Variants in MMP15 observed in about 807,000 individuals in gnomAD.
MMP15 encodes matrix metallopeptidase 15, also known as matrix metalloproteinase-15.
MMP15 carries 36 observed loss-of-function variants against 65.0 expected under a neutral mutation model. That is an observed-to-expected ratio of 0.55 (90% CI 0.42 to 0.73). MMP15 has a LOEUF of 0.73. Ranked by LOEUF, MMP15 falls within the 30% of genes least tolerant of loss-of-function variation. The probability of loss-of-function intolerance (pLI) is 0.00; values close to 1 mark genes in which losing one functional copy is unlikely to be tolerated. For synonymous variants in MMP15, 428 were observed against 410.2 expected, an observed-to-expected ratio of 1.04 and a Z score of -0.52; for missense variants, 870 against 987.8, an observed-to-expected ratio of 0.88 and a Z score of 1.60.
Position 58,046,412 on chromosome 16 carries a change from AC to A in MMP15, c.*967del, listed in dbSNP as rs1455048319. The A allele has an allele frequency of 6.6e-6, 1 of 152,400 alleles. No homozygotes were observed. Among genetic ancestry groups the A allele is most frequent in the Non-Finnish European group, 1.5e-5 (1 of 68,184 alleles). The allele number at this position is 152,400 out of a possible 1,614,324, so 9.4% of individuals were successfully genotyped here. A position where few individuals can be genotyped will look rare whatever the true frequency, so the allele number is the denominator to read the frequency against. The stretch of plus-strand genomic sequence containing the variant: ...TGAATGGGTGCCCACAGTGTCAGGC[AC>A]TGGGCATGAGGGGTTCCTCCCCTCC... On this transcript the variant is annotated 3_prime_UTR_variant, in exon 10 of 10. Transcript: ENST00000219271.
intron 5 of MMP15, 183 bp downstream of exon 5, chr16:58,040,881 G>T (rs1959438359): frequency 1.1e-6 from 1 of 891,586 alleles, no homozygotes; most frequent in Admixed American, 2.1e-5. Context: ...AGGGCAGGCT[G>T]CCTCCAGGGC....
In MMP15 at chr16:58,038,256, C is replaced by T. The variant is rs1452915903; in HGVS notation, c.312-10C>T. ...GGCTCCGTGCTCACCCCTCTGTGTCCATGTCCCAGGTGGATGAAGCGGCCC... is the reference window on the plus strand; with the variant it reads ...GGCTCCGTGCTCACCCCTCTGTGTCTATGTCCCAGGTGGATGAAGCGGCCC... On this transcript the variant is annotated splice_polypyrimidine_tract_variant and intron_variant, in intron 2 of 9. Coordinates refer to ENST00000219271, the MANE Select transcript of MMP15 (RefSeq NM_002428.4). 2.2e-5 allele frequency: 36 copies of T among 1,613,392 alleles called. No individual in the cohort carries two copies. Among genetic ancestry groups the T allele is most frequent in the Non-Finnish European group, 3.0e-5 (35 of 1,179,878 alleles).
chr16:58,026,725 C>T (rs1469306955), intron 1 of MMP15, among the ~76,000 whole-genome samples: 48 of 152,224 alleles, frequency 3.2e-4, no homozygotes, highest in Non-Finnish European at 4.4e-5. Flanking sequence ...CAGGGCCTCG[C>T]TCTCCTCCCC....
intron 1 of MMP15, among the ~76,000 whole-genome samples, chr16:58,029,747 G>C (rs1421609874): frequency 6.6e-6 from 1 of 152,102 alleles, no homozygotes; most frequent in African/African-American, 2.4e-5. Flanking sequence ...CACCCCAAGG[G>C]ATGTTGATAC....
At chr16:58,030,588 A>T (rs932352266) in intron 1 of MMP15, among the ~76,000 whole-genome samples, 2 of 152,132 alleles carry the variant, frequency 1.3e-5, no homozygotes. Context: ...CCATCGGCCG[A>T]TGGTGATGCA....
In MMP15 at chr16:58,040,049, C is replaced by G. The variant is rs558989777; in HGVS notation, c.615C>G (p.Phe205Leu). ...ADIMVLFASG[F>L]HGDSSPFDGT... ...TCATGGTACTCTTTGCCTCTGGCTT[C>G]CACGGCGACAGCTCGCCGTTTGATG... Residue 205 changes from phenylalanine to leucine, a missense_variant, in exon 4 of 10, where the codon TTC becomes TTG. By Grantham distance (22) the Phe-to-Leu change is conservative. Coordinates refer to ENST00000219271, the MANE Select transcript of MMP15 (RefSeq NM_002428.4). 5 of 1,614,182 alleles carry G rather than the reference C, an allele frequency of 3.1e-6. No homozygotes were observed. In the African/African-American group the frequency reaches 6.7e-5, roughly 21 times the overall value.
At chr16:58,035,926 A>G (rs1382746219) in intron 1 of MMP15, among the ~76,000 whole-genome samples, 1 of 152,174 alleles carries the variant, frequency 6.6e-6, no homozygotes, top group African/African-American at 2.4e-5. Flanking sequence ...GCCGGGTGCC[A>G]GGGCTGGGCT....
intron 3 of MMP15, among the ~76,000 whole-genome samples, chr16:58,038,876 CA>C (rs1959389063): frequency 6.6e-6 from 1 of 152,214 alleles, no homozygotes. Flanking sequence ...GTCCTGACTC[CA>C]AGCTCCATCT....
At position 58,025,916 on chromosome 16, in the gene MMP15, G is replaced by A. The variant is rs1360795830; in HGVS notation, c.-435G>A. Reference sequence around the variant, plus strand: ...CCCGGGCCCGGTCGGGCGCGGCGGCGAGCAGAATCCCCGTGCAGGAGGCGC... The same window carrying A: ...CCCGGGCCCGGTCGGGCGCGGCGGCAAGCAGAATCCCCGTGCAGGAGGCGC... On this transcript the variant is annotated 5_prime_UTR_variant, in exon 1 of 10. Coordinates refer to ENST00000219271, the MANE Select transcript of MMP15 (RefSeq NM_002428.4). 6.5e-6 allele frequency: 1 copy of A among 153,038 alleles called. No individual in the cohort carries two copies. Among genetic ancestry groups the A allele is most frequent in the Non-Finnish European group, 1.5e-5 (1 of 68,812 alleles). 9.5% of individuals were successfully genotyped at this position (153,038 alleles called of 1,614,324 possible). A position where few individuals can be genotyped will look rare whatever the true frequency, so the allele number is the denominator to read the frequency against.
At position 58,026,482 on chromosome 16, in the gene MMP15, A is replaced by C; in HGVS notation, c.132A>C (p.Val44=). The change falls in exon 1 of 10, where the codon GTA becomes GTC. Residue 44 remains valine, a synonymous_variant. Coordinates refer to ENST00000219271, the MANE Select transcript of MMP15 (RefSeq NM_002428.4). ...TTCTGGGCTGCCTGGGCCTTGGCGT[A>C]GCGGCCGAAGACGCGGAGGTCCATG... ...LVLLGCLGLG[V]AAEDAEVHAE... The C allele has an allele frequency of 7.2e-7, 1 of 1,391,998 alleles. No homozygotes were observed. Among genetic ancestry groups the C allele is most frequent in the Non-Finnish European group, 9.3e-7 (1 of 1,071,364 alleles). 86.2% of individuals were successfully genotyped at this position (1,391,998 alleles called of 1,614,324 possible). A position where few individuals can be genotyped will look rare whatever the true frequency, so the allele number is the denominator to read the frequency against.
intron 1 of MMP15, among the ~76,000 whole-genome samples, chr16:58,027,413 G>T (rs1597060680): frequency 6.6e-6 from 1 of 152,344 alleles, no homozygotes; most frequent in East Asian, 1.9e-4. Context: ...GCAAGAGCAG[G>T]GTCCACTCTT....
At chr16:58,036,081 C>T (rs2142326747) in intron 1 of MMP15, among the ~76,000 whole-genome samples, 1 of 152,362 alleles carries the variant, frequency 6.6e-6, no homozygotes, top group Non-Finnish European at 1.5e-5. Flanking sequence ...TGCCTGGGCC[C>T]TCGGGGTGCA....
At chr16:58,039,737 T>G (rs1362374201) in intron 3 of MMP15, 138 bp from the exon 4 acceptor site, 14 of 778,902 alleles carry the variant, frequency 1.8e-5, no homozygotes, top group Non-Finnish European at 2.8e-5. Context: ...ATTCAAATTA[T>G]GATTTACATC....
At chr16:58,031,108 C>T (rs1318386046) in intron 1 of MMP15, among the ~76,000 whole-genome samples, 2 of 151,958 alleles carry the variant, frequency 1.3e-5, no homozygotes, top group African/African-American at 4.8e-5. Flanking sequence ...TGTCATTACT[C>T]AATCTACAAA....
At chr16:58,040,314 A>G in intron 4 of MMP15, 132 bp downstream of exon 4, 2 of 1,064,406 alleles carry the variant, frequency 1.9e-6, no homozygotes, top group Non-Finnish European at 1.3e-6. Flanking sequence ...CCAGATCACT[A>G]CACTCAATTT....
At position 58,026,247 on chromosome 16, in the gene MMP15, C is replaced by A; in HGVS notation, c.-104C>A. 8.3e-7 allele frequency: 1 copy of A among 1,198,690 alleles called. No individual in the cohort carries two copies. The allele number at this position is 1,198,690 out of a possible 1,614,324, so 74.3% of individuals were successfully genotyped here. A position where few individuals can be genotyped will look rare whatever the true frequency, so the allele number is the denominator to read the frequency against. Reference sequence around the variant, plus strand: ...CGGCGGGGACCGGGAGCCCGAGGTCCGCGGCGCGCCTGCCGGGCCAGGAGC... The same window carrying A: ...CGGCGGGGACCGGGAGCCCGAGGTCAGCGGCGCGCCTGCCGGGCCAGGAGC... On this transcript the variant is annotated 5_prime_UTR_variant, in exon 1 of 10. Transcript: ENST00000219271.
In MMP15 at chr16:58,045,742, A is replaced by T. The variant is rs1314493615; in HGVS notation, c.*296A>T. 9.8e-6 allele frequency: 4 copies of T among 407,198 alleles called. No individual in the cohort carries two copies. The highest frequency in any genetic ancestry group is 4.4e-6 in the Non-Finnish European group (1 of 228,858). The allele number at this position is 407,198 out of a possible 1,614,324, so 25.2% of individuals were successfully genotyped here. A position where few individuals can be genotyped will look rare whatever the true frequency, so the allele number is the denominator to read the frequency against. On this transcript the variant is annotated 3_prime_UTR_variant, in exon 10 of 10. Transcript: ENST00000219271. Reference sequence around the variant, plus strand: ...CTGGCTTGGCCACAGCCAGGGGAGCAGAGGGGCAGAGGCCCACATTGGAAG... The same window carrying T: ...CTGGCTTGGCCACAGCCAGGGGAGCTGAGGGGCAGAGGCCCACATTGGAAG...
At position 58,038,370 on chromosome 16, in the gene MMP15, G is replaced by A; in HGVS notation, c.416G>A (p.Trp139Ter). Residue 139 changes from tryptophan (W) to a stop codon, truncating the protein, a stop_gained, in exon 3 of 10, where the codon TGG becomes TAG. Transcript: ENST00000219271. LOFTEE classifies it high-confidence loss of function. ...CGCTACGCCCTCACCGGGAGGAAGT[G>A]GAACAACCACCATCTGACCTTTAGG... ...RKRYALTGRK[W>*]NNHHLTFSIQ... The A allele has an allele frequency of 2.5e-6, 4 of 1,614,084 alleles. No homozygotes were observed. Among genetic ancestry groups the A allele is most frequent in the Non-Finnish European group, 3.4e-6 (4 of 1,180,008 alleles).
intron 1 of MMP15, among the ~76,000 whole-genome samples, chr16:58,036,018 G>A (rs981726981): frequency 2.0e-5 from 3 of 152,180 alleles, no homozygotes; most frequent in Admixed American, 6.5e-5. Flanking sequence ...TGATCTGGCC[G>A]GCCAATATGG....
Sources: allele counts gnomAD v4.1 joint callset (sites outside exome capture counted in the v4.1 genomes callset), GRCh38; gene constraint gnomAD v4.1.1; transcripts MANE v1.5; gene names NCBI Gene and HGNC (gene_info 2026-07-23, HGNC 2026-07-21).